Variants in SGK1 observed in about 807,000 individuals in gnomAD.
The protein encoded by SGK1 is serum/glucocorticoid regulated kinase 1, also known as serine/threonine-protein kinase Sgk1.
SGK1 carries 26 observed loss-of-function variants against 64.2 expected under a neutral mutation model. The observed-to-expected ratio is 0.40, with a 90% CI of 0.30 to 0.56. The LOEUF (loss-of-function observed/expected upper bound fraction) is 0.56. Among genes scored for constraint, SGK1 ranks in the 20% least tolerant of loss-of-function variants. The probability of loss-of-function intolerance (pLI) is 0.38; values close to 1 mark genes in which losing one functional copy is unlikely to be tolerated. For synonymous variants in SGK1, 265 were observed against 239.7 expected (o/e 1.11, Z -0.98); for missense variants, 519 against 645.6 (o/e 0.80, Z 2.12).
At chr6:134,305,386 A>C (rs867606546) in intron 1 of SGK1, among the ~76,000 whole-genome samples, 8 of 140,702 alleles carry the variant, frequency 5.7e-5, no homozygotes, top group Non-Finnish European at 9.3e-5. Flanking sequence ...AAAAAAAAAA[A>C]GGGAAAGAAA....
intron 3 of SGK1, among the ~76,000 whole-genome samples, chr6:134,191,834 G>GTTTTTTTTT (rs1491153978): frequency 1.2e-4 from 2 of 17,316 alleles, no homozygotes; most frequent in African/African-American, 1.7e-4. Flanking sequence ...ACGCCCGGCT[G>GTTTTTTTTT]ATTTTTTTTT....
At chr6:134,206,037 G>A (rs905102454) in intron 3 of SGK1, among the ~76,000 whole-genome samples, 11 of 151,900 alleles carry the variant, frequency 7.2e-5, no homozygotes, top group Middle Eastern at 3.2e-3. Flanking sequence ...TTGTCTAAGC[G>A]TAATTTCTAA....
At chr6:134,265,922 C>T (rs906085739) in intron 1 of SGK1, among the ~76,000 whole-genome samples, 2 of 151,696 alleles carry the variant, frequency 1.3e-5, no homozygotes, top group South Asian at 2.1e-4. Context: ...GGATTACAGG[C>T]GTGAGCTACC....
chr6:134,183,299 T>C (rs1362322821), intron 3 of SGK1, among the ~76,000 whole-genome samples: 1 of 152,200 alleles, frequency 6.6e-6, no homozygotes, highest in Non-Finnish European at 1.5e-5. Context: ...TTTTTCTTTG[T>C]GTTGAGAACA....
At chr6:134,214,216 G>A (rs1000119177) in intron 2 of SGK1, among the ~76,000 whole-genome samples, 1 of 151,982 alleles carries the variant, frequency 6.6e-6, no homozygotes, top group African/African-American at 2.4e-5. Flanking sequence ...ACCACTCAAG[G>A]TTTATAATTT....
intron 2 of SGK1, among the ~76,000 whole-genome samples, chr6:134,240,876 G>A (rs548093998): frequency 3.9e-5 from 6 of 152,222 alleles, no homozygotes; most frequent in South Asian, 4.1e-4. Context: ...CAAAGTTGGC[G>A]AAGTTCTTGA....
intron 3 of SGK1, among the ~76,000 whole-genome samples, chr6:134,180,688 C>T (rs1775317237): frequency 6.6e-6 from 1 of 151,950 alleles, no homozygotes; most frequent in Non-Finnish European, 1.5e-5. Flanking sequence ...GCCTGGGCAA[C>T]ATAGTGAGAC....
chr6:134,284,932 A>G (rs543218637), intron 1 of SGK1, among the ~76,000 whole-genome samples: 26 of 152,238 alleles, frequency 1.7e-4, no homozygotes, highest in African/African-American at 5.8e-4. Flanking sequence ...TTATCCACTC[A>G]TTGGCTGATG....
rs566199777 is a variant in SGK1 at position 134,306,519 on chromosome 6, C to G, written c.69+10873G>C. On this transcript the variant is annotated intron_variant, in intron 1 of 13. Transcript: ENST00000367858. Reference sequence around the variant, plus strand: ...GAAGGGAGTTGGGGAGTGAAGGAAGCTTGTGATTTCTTTTTTCCTTTAGAG... The same window carrying G: ...GAAGGGAGTTGGGGAGTGAAGGAAGGTTGTGATTTCTTTTTTCCTTTAGAG... 1.3e-3 allele frequency among the ~76,000 whole-genome samples: 196 copies of G among 151,928 alleles called. 1 individual carries two copies. The highest frequency in any genetic ancestry group is 1.7e-3 in the Non-Finnish European group (116 of 67,940).
chr6:134,197,858 T>TAAAA (rs1156375329), intron 3 of SGK1, among the ~76,000 whole-genome samples: 9 of 139,046 alleles, frequency 6.5e-5, no homozygotes, highest in Admixed American at 2.8e-4. Context: ...TAAAATAAAA[T>TAAAA]TAAATTAAAA....
chr6:134,188,995 C>T (rs2114662647), intron 3 of SGK1, among the ~76,000 whole-genome samples: 1 of 149,496 alleles, frequency 6.7e-6, no homozygotes, highest in African/African-American at 2.5e-5. Context: ...ATCCTCCCAC[C>T]TTGGTCTCCC....
intron 2 of SGK1, among the ~76,000 whole-genome samples, chr6:134,228,066 C>T (rs1776215923): frequency 6.6e-6 from 1 of 150,530 alleles, no homozygotes; most frequent in Non-Finnish European, 1.5e-5. Flanking sequence ...GCAATTCTCC[C>T]TGCCTCAGCC....
intron 1 of SGK1, among the ~76,000 whole-genome samples, chr6:134,278,150 G>T (rs927058894): frequency 6.6e-6 from 1 of 152,158 alleles, no homozygotes; most frequent in African/African-American, 2.4e-5. Context: ...TGTTTCTATG[G>T]TGTGCAGCAC....
intron 2 of SGK1, among the ~76,000 whole-genome samples, chr6:134,216,002 C>G (rs925735464): frequency 7.9e-5 from 12 of 152,090 alleles, no homozygotes; most frequent in African/African-American, 2.9e-4. Context: ...GGTGACAGAG[C>G]AAGACTCCAT....
In SGK1 at chr6:134,171,717, C is replaced by T. The variant is rs749143110; in HGVS notation, c.1087G>A (p.Val363Met). 64 of 1,613,008 alleles carry T rather than the reference C, an allele frequency of 4.0e-5. No individual in the cohort carries two copies. The highest frequency in any genetic ancestry group is 5.2e-5 in the Non-Finnish European group (61 of 1,179,140). Residue 363 changes from valine to methionine, a missense_variant, in exon 11 of 14, where the codon GTG becomes ATG. Val to Met is a conservative substitution (Grantham distance 21, BLOSUM62 1). Coordinates refer to ENST00000367858, the MANE Select transcript of SGK1 (RefSeq NM_001143676.3). ...CTGTCATAAGGCTGCTTATGAAGCACCTCAGGTGCGAGATACTGAAAAACA... is the reference window on the plus strand; with the variant it reads ...CTGTCATAAGGCTGCTTATGAAGCATCTCAGGTGCGAGATACTGAAAAACA... Reference protein sequence around the residue: ...CGTPEYLAPEVLHKQPYDRTV... With the variant: ...CGTPEYLAPEMLHKQPYDRTV...
chr6:134,312,068 T>C (rs932014608), intron 1 of SGK1, among the ~76,000 whole-genome samples: 16 of 152,212 alleles, frequency 1.1e-4, no homozygotes, highest in Admixed American at 4.6e-4. Flanking sequence ...ATCATCGCAG[T>C]GCACTCCAGT....
At chr6:134,174,683 C>G in intron 3 of SGK1, 97 bp from the exon 4 acceptor site, 1 of 1,613,360 alleles carries the variant, frequency 6.2e-7, no homozygotes, top group Non-Finnish European at 8.5e-7. Flanking sequence ...CAAAAAATTT[C>G]CACTTTGCGT....
At chr6:134,184,952 T>C (rs554022111) in intron 3 of SGK1, among the ~76,000 whole-genome samples, 1 of 152,332 alleles carries the variant, frequency 6.6e-6, no homozygotes, top group African/African-American at 2.4e-5. Flanking sequence ...CCCAAAGTGC[T>C]GGGATTATAG....
chr6:134,220,885 G>A (rs1420490607), intron 2 of SGK1, among the ~76,000 whole-genome samples: 3 of 151,874 alleles, frequency 2.0e-5, no homozygotes, highest in Non-Finnish European at 4.4e-5. Context: ...TGGAGGCTGA[G>A]GCAGGAGAAT....
Sources: allele counts gnomAD v4.1 joint callset (sites outside exome capture counted in the v4.1 genomes callset), GRCh38; gene constraint gnomAD v4.1.1; transcripts MANE v1.5; gene names NCBI Gene and HGNC (gene_info 2026-07-23, HGNC 2026-07-21).